Variants in AMBRA1 observed in about 807,000 individuals in gnomAD.
AMBRA1 encodes the protein activating molecule in BECN1-regulated autophagy protein 1.
In AMBRA1, 47 loss-of-function variants were observed where a neutral mutation model predicts 125.4. The ratio of observed to expected loss-of-function variants is 0.37; its 90% confidence interval spans 0.30 to 0.48. The LOEUF (loss-of-function observed/expected upper bound fraction) is 0.48, where lower values mean the gene tolerates loss of function less well. Ranked by LOEUF, AMBRA1 falls within the 20% of genes least tolerant of loss-of-function variation. The pLI, the probability that AMBRA1 is intolerant of heterozygous loss-of-function variation, is 0.99. For synonymous variants in AMBRA1, 626 were observed against 655.5 expected, an observed-to-expected ratio of 0.95 and a Z score of 0.69; for missense variants, 1,331 against 1,693.4, an observed-to-expected ratio of 0.79 and a Z score of 3.76.
intron 1 of AMBRA1, among the ~76,000 whole-genome samples, chr11:46,589,464 A>T (rs2044514788): frequency 6.6e-6 from 1 of 152,184 alleles, no homozygotes; most frequent in African/African-American, 2.4e-5. Context: ...TTTTTGGGGT[A>T]AACCAAACCA....
chr11:46,500,126 C>A (rs756787545), intron 9 of AMBRA1, among the ~76,000 whole-genome samples: 21 of 152,240 alleles, frequency 1.4e-4, no homozygotes, highest in Admixed American at 3.3e-4. Flanking sequence ...AGACTAGAAC[C>A]CAGGACTATT....
intron 7 of AMBRA1, among the ~76,000 whole-genome samples, chr11:46,531,124 C>T (rs1217741319): frequency 6.6e-6 from 1 of 152,116 alleles, no homozygotes; most frequent in Non-Finnish European, 1.5e-5. Flanking sequence ...CTCAAGTGAT[C>T]CACCTGCCTC....
chr11:46,541,984 T>C lies in AMBRA1; in HGVS notation c.2033A>G (p.Asp678Gly). Residue 678 changes from aspartate (D) to glycine (G), a missense_variant, in exon 7 of 18, where the codon GAT becomes GGT. Asp to Gly is a moderately conservative substitution (Grantham distance 94). Around this residue, in one of 4 missense-constraint regions of AMBRA1, gnomAD observed 689 missense variants for 776.5 expected, o/e 0.89. Transcript: ENST00000683756. ...CTCCTCAGAGCTCTCCTCAGGCATA[T>C]CCTGATGTAAGGCCTCCTGTGACAC... is the stretch of plus-strand genomic sequence containing the variant. ...GTVSQEALHQDMPEESSEEDS... is the reference protein window; with the variant it reads ...GTVSQEALHQGMPEESSEEDS... 6.2e-7 allele frequency: 1 copy of C among 1,613,980 alleles called. No homozygotes were observed. The highest frequency in any genetic ancestry group is 1.3e-5 in the African/African-American group (1 of 75,044).
rs371494186 is a variant in AMBRA1, at chr11:46,433,455, C to T, written c.2976+19G>A. 3 of 1,612,094 alleles carry T rather than the reference C, an allele frequency of 1.9e-6. No individual in the cohort carries two copies. In the African/African-American group the frequency reaches 4.0e-5, roughly 22 times the overall value. On this transcript the variant is annotated intron_variant, in intron 14 of 17. Coordinates refer to ENST00000683756, the MANE Select transcript of AMBRA1 (RefSeq NM_001387011.1). Reference sequence around the variant, plus strand: ...TAGGGGAGCTGCCATACAGTGAAGGCACAAGCAATGGCACTCACCCTCATG... The same window carrying T: ...TAGGGGAGCTGCCATACAGTGAAGGTACAAGCAATGGCACTCACCCTCATG...
chr11:46,430,934 C>T (rs1311636854), intron 14 of AMBRA1, among the ~76,000 whole-genome samples: 1 of 152,224 alleles, frequency 6.6e-6, no homozygotes, highest in Admixed American at 6.5e-5. Flanking sequence ...TAAACCCTTG[C>T]TCCCTGTTCT....
intron 12 of AMBRA1, among the ~76,000 whole-genome samples, chr11:46,443,199 G>A (rs73466072): frequency 6.6e-6 from 1 of 152,338 alleles, no homozygotes; most frequent in African/African-American, 2.4e-5. Context: ...AAGAGAAAGA[G>A]AAGGGAGTGT....
At chr11:46,582,178 T>C (rs1486281154) in intron 1 of AMBRA1, among the ~76,000 whole-genome samples, 3 of 152,006 alleles carry the variant, frequency 2.0e-5, no homozygotes, top group Non-Finnish European at 4.4e-5. Flanking sequence ...CCTCATTCTA[T>C]GCCTCTTTCC....
chr11:46,493,322 T>C (rs954553526), intron 11 of AMBRA1, among the ~76,000 whole-genome samples: 5 of 152,008 alleles, frequency 3.3e-5, no homozygotes, highest in East Asian at 1.9e-4. Context: ...ATTAAAAGCA[T>C]AGCTAGAATT....
chr11:46,576,866 G>GA (rs2043976354), intron 1 of AMBRA1, among the ~76,000 whole-genome samples: 1 of 152,182 alleles, frequency 6.6e-6, no homozygotes, highest in African/African-American at 2.4e-5. Flanking sequence ...GACTTGCTCT[G>GA]AAGATGATAG....
At chr11:46,428,531 G>C in intron 14 of AMBRA1, 1 of 878,726 alleles carries the variant, frequency 1.1e-6, no homozygotes, top group Non-Finnish European at 1.8e-6. Context: ...AGTTCCTAGT[G>C]CCTCTAGGAT....
At chr11:46,493,536 T>C (rs1950535526) in intron 11 of AMBRA1, 72 bp downstream of exon 11, 1 of 1,244,740 alleles carries the variant, frequency 8.0e-7, no homozygotes. Context: ...TCAACATAGG[T>C]AAAGGAGGGA....
At chr11:46,576,077 A>G (rs1420511201) in intron 1 of AMBRA1, among the ~76,000 whole-genome samples, 1 of 152,176 alleles carries the variant, frequency 6.6e-6, no homozygotes, top group African/African-American at 2.4e-5. Flanking sequence ...GGCTTTGATC[A>G]CTATGATTCA....
At chr11:46,427,738 C>A (rs1812657) in intron 14 of AMBRA1, among the ~76,000 whole-genome samples, 24 of 152,312 alleles carry the variant, frequency 1.6e-4, no homozygotes, top group South Asian at 1.5e-3. Flanking sequence ...GCCGGGAGCG[C>A]TGGCTCATGC....
At chr11:46,574,231 G>T (rs1401211328) in intron 1 of AMBRA1, among the ~76,000 whole-genome samples, 3 of 140,268 alleles carry the variant, frequency 2.1e-5, no homozygotes, top group African/African-American at 8.3e-5. Flanking sequence ...GATCCCTGAG[G>T]AATCGCCACA....
chr11:46,474,383 A>G (rs887348655), intron 11 of AMBRA1, among the ~76,000 whole-genome samples: 1 of 152,042 alleles, frequency 6.6e-6, no homozygotes, highest in Non-Finnish European at 1.5e-5. Context: ...CAGAGGCCCA[A>G]TTTCTAACCT....
chr11:46,590,543 C>A (rs754535073), intron 1 of AMBRA1, among the ~76,000 whole-genome samples: 18 of 151,798 alleles, frequency 1.2e-4, no homozygotes, highest in South Asian at 2.1e-4. Flanking sequence ...CAAAACTAAT[C>A]TTTTTCAAGT....
intron 1 of AMBRA1, among the ~76,000 whole-genome samples, chr11:46,583,665 A>C (rs1251543522): frequency 2.0e-4 from 26 of 133,122 alleles, no homozygotes; most frequent in East Asian, 1.8e-3. Context: ...AAAAAAAAAA[A>C]AAAAAAAAAA....
At chr11:46,433,691 T>C in intron 13 of AMBRA1, 63 bp from the exon 14 acceptor site, 1 of 1,518,836 alleles carries the variant, frequency 6.6e-7, no homozygotes. Flanking sequence ...GAAACAACTT[T>C]CACTCTTACT....
chr11:46,576,226 C>T (rs964566308), intron 1 of AMBRA1, among the ~76,000 whole-genome samples: 13 of 152,160 alleles, frequency 8.5e-5, no homozygotes, highest in South Asian at 4.1e-4. Context: ...GAGCAATTCA[C>T]CTGCTCTCTA....
Sources: gnomAD v4.1 joint callset for allele counts (sites outside exome capture counted in the v4.1 genomes callset) on GRCh38, gnomAD v4.1.1 for gene constraint, gnomAD v4.1.1 regional missense constraint, MANE v1.5 for transcripts, NCBI Gene and HGNC (gene_info 2026-07-23, HGNC 2026-07-21) for gene names.